Variants in E2F3 observed in about 807,000 individuals in gnomAD.
E2F3 encodes transcription factor E2F3.
Under a neutral mutation model 44.4 loss-of-function variants are expected in E2F3, and 11 were observed. The ratio of observed to expected loss-of-function variants is 0.25; its 90% CI spans 0.16 to 0.41. The LOEUF (loss-of-function observed/expected upper bound fraction) is 0.41, where lower values mean the gene tolerates loss of function less well. E2F3 is among the 10% of genes least tolerant of loss of function. The probability of loss-of-function intolerance (pLI) is 1.00; values close to 1 mark genes in which losing one functional copy is unlikely to be tolerated. For synonymous variants in E2F3, 249 were observed against 253.0 expected, an observed-to-expected ratio of 0.98 and a Z score of 0.15; for missense variants, 487 against 583.6, an observed-to-expected ratio of 0.83 and a Z score of 1.70.
intron 1 of E2F3, among the ~76,000 whole-genome samples, chr6:20,423,468 C>T (rs191521605): frequency 7.2e-5 from 11 of 152,324 alleles, no homozygotes; most frequent in Admixed American, 3.3e-4. Flanking sequence ...CTACATGTGA[C>T]ATTACAGTGC....
chr6:20,445,989 C>T (rs1760931271), intron 1 of E2F3, among the ~76,000 whole-genome samples: 1 of 152,210 alleles, frequency 6.6e-6, no homozygotes, highest in Non-Finnish European at 1.5e-5. Flanking sequence ...CAGCCAGAGT[C>T]ACTCAGACTG....
Position 20,407,680 on chromosome 6 carries a change from T to C in E2F3, c.393+5055T>C, listed in dbSNP as rs141786205. ...ACCTTTAACCTCTTTCCTAGGGATT[T>C]GGACCCATTTGGCAAATAGCTTCAA... On this transcript the variant is annotated intron_variant, in intron 1 of 6. Transcript: ENST00000346618. 6.0e-4 allele frequency among the ~76,000 whole-genome samples: 91 copies of C among 152,370 alleles called. 2 individuals are homozygous for C. In the East Asian group the frequency reaches 0.015, roughly 25 times the overall value.
intron 1 of E2F3, among the ~76,000 whole-genome samples, chr6:20,478,448 G>T (rs1762115554): frequency 6.6e-6 from 1 of 152,176 alleles, no homozygotes; most frequent in African/African-American, 2.4e-5. Flanking sequence ...CCATAGAGGG[G>T]CTGAATATCT....
intron 1 of E2F3, among the ~76,000 whole-genome samples, chr6:20,412,545 GGT>G (rs1211103253): frequency 6.6e-6 from 1 of 152,094 alleles, no homozygotes; most frequent in Non-Finnish European, 1.5e-5. Flanking sequence ...CAGGACCGAA[GGT>G]TGGATGTGTT....
intron 1 of E2F3, among the ~76,000 whole-genome samples, chr6:20,440,506 G>A (rs1404102439): frequency 6.6e-6 from 1 of 152,156 alleles, no homozygotes; most frequent in African/African-American, 2.4e-5. Context: ...TCTGTACATG[G>A]GAGTCTTGGC....
intron 1 of E2F3, chr6:20,403,887 G>T (rs1561844045): frequency 8.6e-7 from 1 of 1,157,558 alleles, no homozygotes; most frequent in Non-Finnish European, 1.2e-6. Context: ...ACCGGATTCT[G>T]TTGGGGGCTG....
intron 1 of E2F3, among the ~76,000 whole-genome samples, chr6:20,454,822 C>T (rs952274428): frequency 6.6e-6 from 1 of 152,156 alleles, no homozygotes; most frequent in Non-Finnish European, 1.5e-5. Flanking sequence ...GCAGAGTTCC[C>T]ATACCTCTGA....
chr6:20,456,044 C>T (rs1295499345), intron 1 of E2F3, among the ~76,000 whole-genome samples: 1 of 152,108 alleles, frequency 6.6e-6, no homozygotes, highest in East Asian at 1.9e-4. Context: ...ATTGTCCTTA[C>T]TTTATGTTCT....
At chr6:20,412,759 T>A (rs1759717710) in intron 1 of E2F3, among the ~76,000 whole-genome samples, 1 of 152,108 alleles carries the variant, frequency 6.6e-6, no homozygotes, top group Admixed American at 6.5e-5. Flanking sequence ...TCTTCAACCT[T>A]CTCAAAATGC....
intron 1 of E2F3, among the ~76,000 whole-genome samples, chr6:20,441,606 G>T (rs180866655): frequency 6.6e-6 from 1 of 151,978 alleles, no homozygotes; most frequent in East Asian, 1.9e-4. Context: ...ATGGAATCTT[G>T]CTCTGTTGCC....
rs1490330303 is a variant in E2F3 at position 20,402,494 on chromosome 6, G to C, written c.262G>C (p.Ala88Pro). ...AVAAGPLLPS[A>P]PGAEQTAGSL... ...AGCCGCCGGCCCCCTCCTCCCCAGT[G>C]CCCCCGGCGCGGAGCAGACCGCCGG... Residue 88 changes from alanine to proline, a missense_variant, in exon 1 of 7, where the codon GCC (alanine) becomes CCC (proline). Transcript: ENST00000346618. This position sits in a 1 kb window ranked among gnomAD's most constrained non-coding sequence, Gnocchi z 5.6. The C allele has an allele frequency of 6.2e-7, 1 of 1,606,288 alleles. No individual in the cohort carries two copies. The highest frequency in any genetic ancestry group is 1.3e-5 in the African/African-American group (1 of 74,770).
intron 1 of E2F3, among the ~76,000 whole-genome samples, chr6:20,477,013 T>A (rs1175871528): frequency 6.6e-6 from 1 of 152,088 alleles, no homozygotes; most frequent in Non-Finnish European, 1.5e-5. Flanking sequence ...AAGAAACAGA[T>A]GAAATAATTT....
In E2F3 at chr6:20,435,326, G is replaced by A. The variant is rs533173899; in HGVS notation, c.393+32701G>A. ...AATTAATAGACAATGCAGAATATAT[G>A]GGAGAATGACGTATTGCTGGGCCTT... On this transcript the variant is annotated intron_variant, in intron 1 of 6. Coordinates refer to ENST00000346618, the MANE Select transcript of E2F3 (RefSeq NM_001949.5). Among the ~76,000 whole-genome samples, 5 of 152,318 alleles carry A rather than the reference G, an allele frequency of 3.3e-5. No individual in the cohort carries two copies. The South Asian group carries it at 1.0e-3, about 32-fold the overall frequency.
Position 20,419,712 on chromosome 6 carries a change from A to G in E2F3, c.393+17087A>G, listed in dbSNP as rs552300141. Among the ~76,000 whole-genome samples the G allele has an allele frequency of 2.1e-5, 3 of 144,098 alleles. No homozygotes were observed. In the South Asian group the frequency reaches 6.3e-4, roughly 30 times the overall value. 94.5% of individuals were successfully genotyped at this position (144,098 alleles called of 152,430 possible). A position where few individuals can be genotyped will look rare whatever the true frequency, so the allele number is the denominator to read the frequency against. Reference sequence around the variant, plus strand: ...TCCCCAGTAGCTGGACTACAGGCGCACGCCACCATGGCTGGCTACTTTTTT... The same window carrying G: ...TCCCCAGTAGCTGGACTACAGGCGCGCGCCACCATGGCTGGCTACTTTTTT... On this transcript the variant is annotated intron_variant, in intron 1 of 6. Coordinates refer to ENST00000346618, the MANE Select transcript of E2F3 (RefSeq NM_001949.5).
At chr6:20,432,191 A>G (rs916533023) in intron 1 of E2F3, among the ~76,000 whole-genome samples, 11 of 152,254 alleles carry the variant, frequency 7.2e-5, no homozygotes, top group Admixed American at 6.5e-5. Flanking sequence ...TTAGAATACA[A>G]GCTACCCCAA....
chr6:20,464,621 C>G (rs1237409187), intron 1 of E2F3, among the ~76,000 whole-genome samples: 2 of 152,216 alleles, frequency 1.3e-5, no homozygotes, highest in Admixed American at 1.3e-4. Context: ...CCTTGGGCAA[C>G]CTTGCTGGCT....
At chr6:20,489,849 A>C (rs1326066015) in intron 6 of E2F3, among the ~76,000 whole-genome samples, 1 of 152,134 alleles carries the variant, frequency 6.6e-6, no homozygotes, top group Non-Finnish European at 1.5e-5. Context: ...TCACACCTGG[A>C]GTCCCAGCTA....
Position 20,402,119 on chromosome 6 carries a change from G to C in E2F3, c.-114G>C. On this transcript the variant is annotated 5_prime_UTR_variant, in exon 1 of 7. Coordinates refer to ENST00000346618, the MANE Select transcript of E2F3 (RefSeq NM_001949.5). The surrounding 1 kb of genome is among the most constrained non-coding windows in gnomAD (Gnocchi z 5.6). Reference sequence around the variant, plus strand: ...AAAGAGAGAGAGGGGGCTCGGAAGCGCCGGGCGGGGAGGAGAGAAGGAGGA... The same window carrying C: ...AAAGAGAGAGAGGGGGCTCGGAAGCCCCGGGCGGGGAGGAGAGAAGGAGGA... The C allele has an allele frequency of 7.0e-7, 1 of 1,423,718 alleles. No homozygotes were observed. Among genetic ancestry groups the C allele is most frequent in the Non-Finnish European group, 9.1e-7 (1 of 1,095,336 alleles). The allele number at this position is 1,423,718 out of a possible 1,614,324, so 88.2% of individuals were successfully genotyped here.
rs1367156402 is a variant in E2F3 at position 20,436,476 on chromosome 6, CACAG to C, written c.393+33853_393+33856del. On this transcript the variant is annotated intron_variant, in intron 1 of 6. Coordinates refer to ENST00000346618, the MANE Select transcript of E2F3 (RefSeq NM_001949.5). Reference sequence around the variant, plus strand: ...AAACACACACACACACACACACACACACAGAGAGAGAGAGAGAGAAAAATTTTGT... The same window carrying C: ...AAACACACACACACACACACACACACAGAGAGAGAGAGAGAAAAATTTTGT... Among the ~76,000 whole-genome samples the C allele has an allele frequency of 7.4e-3, 957 of 128,770 alleles. 12 individuals carry two copies. Among genetic ancestry groups the C allele is most frequent in the African/African-American group, 0.026 (906 of 34,368 alleles). The allele number at this position is 128,770 out of a possible 152,430, so 84.5% of individuals were successfully genotyped here. A position where few individuals can be genotyped will look rare whatever the true frequency, so the allele number is the denominator to read the frequency against.
Sources: allele counts gnomAD v4.1 joint callset (sites outside exome capture counted in the v4.1 genomes callset), GRCh38; gene constraint gnomAD v4.1.1; non-coding constraint Gnocchi (gnomAD v3.1); transcripts MANE v1.5; gene names NCBI Gene and HGNC (gene_info 2026-07-23, HGNC 2026-07-21).